Variants in TTC29 observed in about 807,000 individuals in gnomAD.
The protein encoded by TTC29 is tetratricopeptide repeat domain 29.
Under a neutral mutation model 58.1 loss-of-function variants are expected in TTC29, and 49 were observed. That is an observed-to-expected ratio of 0.84 (90% CI 0.67 to 1.07). The LOEUF (loss-of-function observed/expected upper bound fraction) is 1.07. Among genes scored for constraint, TTC29 ranks in the 50% least tolerant of loss-of-function variants. TTC29 has a pLI of 0.00. For missense variants in TTC29, 582 were observed against 555.6 expected, an observed-to-expected ratio of 1.05 and a Z score of -0.48; for synonymous variants, 209 against 196.8, an observed-to-expected ratio of 1.06 and a Z score of -0.52.
At chr4:146,753,410 T>C (rs1383935831) in intron 11 of TTC29, among the ~76,000 whole-genome samples, 3 of 152,198 alleles carry the variant, frequency 2.0e-5, no homozygotes, top group African/African-American at 7.2e-5. Flanking sequence ...CAACAGGTGC[T>C]GGAGAAGATG....
intron 11 of TTC29, among the ~76,000 whole-genome samples, chr4:146,749,426 A>C (rs1478999782): frequency 1.3e-5 from 2 of 152,174 alleles, no homozygotes; most frequent in East Asian, 3.8e-4. Context: ...AAGGAGAAGA[A>C]AGAATCTGTA....
intron 11 of TTC29, among the ~76,000 whole-genome samples, chr4:146,741,739 T>C (rs1745167624): frequency 6.6e-6 from 1 of 152,156 alleles, no homozygotes; most frequent in Non-Finnish European, 1.5e-5. Flanking sequence ...AAACACTCTA[T>C]GTTTTCTCAT....
chr4:146,820,152 T>C lies in TTC29; in HGVS notation c.1074A>G (p.Thr358=). ...FQSLDLVRAS[T]MLGDIYNEKG... ...TTTCATTGTAGATGTCCCCAAGCAT[T>C]GTACTTGCTCTCACCAAATCTAGGC... is the stretch of plus-strand genomic sequence containing the variant. The change falls in exon 10 of 13, where the codon ACA becomes ACG. Residue 358 remains threonine, a synonymous_variant. Coordinates refer to ENST00000325106, the MANE Select transcript of TTC29 (RefSeq NM_031956.4). The C allele has an allele frequency of 6.2e-7, 1 of 1,613,324 alleles. No homozygotes were observed. Among genetic ancestry groups the C allele is most frequent in the Non-Finnish European group, 8.5e-7 (1 of 1,179,790 alleles).
chr4:146,745,979 A>G (rs537463754), intron 11 of TTC29, among the ~76,000 whole-genome samples: 6 of 152,306 alleles, frequency 3.9e-5, no homozygotes, highest in African/African-American at 1.4e-4. Flanking sequence ...AGGAAAACCT[A>G]TTTGCAAAGA....
intron 9 of TTC29, among the ~76,000 whole-genome samples, chr4:146,821,476 A>T (rs181924182): frequency 9.0e-4 from 137 of 152,318 alleles, no homozygotes; most frequent in South Asian, 2.5e-3. Flanking sequence ...GGCGAATACT[A>T]GCTTACTCTT....
chr4:146,864,238 C>T (rs567636708), intron 8 of TTC29, among the ~76,000 whole-genome samples: 1 of 152,080 alleles, frequency 6.6e-6, no homozygotes, highest in Admixed American at 6.5e-5. Flanking sequence ...AAAACAACAC[C>T]AGCATCCACC....
At chr4:146,821,985 G>GTTTTTTTTTTTTTTTTT (rs34100285) in intron 9 of TTC29, among the ~76,000 whole-genome samples, 1 of 109,598 alleles carries the variant, frequency 9.1e-6, no homozygotes, top group Non-Finnish European at 1.8e-5. Context: ...CATGTCTAGT[G>GTTTTTTTTTTTTTTTTT]TTTTTTTTTT....
intron 6 of TTC29, among the ~76,000 whole-genome samples, chr4:146,885,660 G>C (rs1482336415): frequency 6.6e-6 from 1 of 151,990 alleles, no homozygotes; most frequent in East Asian, 1.9e-4. Context: ...TGATACATAA[G>C]GGAGTGTGGC....
chr4:146,924,830 T>G (rs1417089462), intron 4 of TTC29, among the ~76,000 whole-genome samples: 1 of 152,030 alleles, frequency 6.6e-6, no homozygotes, highest in African/African-American at 2.4e-5. Flanking sequence ...TATATTTTTC[T>G]AATACAAGCA....
intron 10 of TTC29, among the ~76,000 whole-genome samples, chr4:146,806,069 G>A (rs1006680752): frequency 6.6e-6 from 1 of 152,120 alleles, no homozygotes; most frequent in African/African-American, 2.4e-5. Context: ...AAGAGAGTGG[G>A]GGCCAATATT....
At chr4:146,708,571 T>C (rs193124917) in intron 11 of TTC29, among the ~76,000 whole-genome samples, 16 of 151,578 alleles carry the variant, frequency 1.1e-4, no homozygotes, top group African/African-American at 3.9e-4. Context: ...TACTTAACTT[T>C]AACTTTCATA....
intron 7 of TTC29, among the ~76,000 whole-genome samples, chr4:146,868,406 G>T (rs979889475): frequency 6.6e-6 from 1 of 152,048 alleles, no homozygotes; most frequent in African/African-American, 2.4e-5. Flanking sequence ...TAAAGAATAG[G>T]TGAGAGTAAC....
intron 11 of TTC29, among the ~76,000 whole-genome samples, chr4:146,753,488 G>A (rs1476926635): frequency 6.6e-6 from 1 of 152,204 alleles, no homozygotes; most frequent in Non-Finnish European, 1.5e-5. Flanking sequence ...GTGGAATTCG[G>A]TGTGGCGATT....
intron 8 of TTC29, among the ~76,000 whole-genome samples, chr4:146,852,876 CCT>C (rs1729598812): frequency 1.3e-5 from 2 of 151,914 alleles, no homozygotes; most frequent in African/African-American, 4.8e-5. Flanking sequence ...TATTTTTCTC[CCT>C]GTTTTATTGT....
At position 146,752,267 on chromosome 4, in the gene TTC29, C is replaced by A. The variant is rs1274546420; in HGVS notation, c.1331-44716G>T. ...CAAAAATCACAAGCATTCTTATACGCCAATAACAGACAAACAGAGAGCCAA... is the reference window on the plus strand; with the variant it reads ...CAAAAATCACAAGCATTCTTATACGACAATAACAGACAAACAGAGAGCCAA... On this transcript the variant is annotated intron_variant, in intron 11 of 12. Transcript: ENST00000325106. Among the ~76,000 whole-genome samples the A allele has an allele frequency of 2.0e-5, 3 of 147,466 alleles. No homozygotes were observed. The East Asian group carries it at 5.9e-4, about 29-fold the overall frequency.
chr4:146,831,252 G>A (rs1008225396), intron 9 of TTC29, among the ~76,000 whole-genome samples: 4 of 151,954 alleles, frequency 2.6e-5, no homozygotes, highest in Admixed American at 2.6e-4. Context: ...TTTAGTAGAT[G>A]GGAATTCTTT....
chr4:146,772,332 T>C (rs1423687817), intron 11 of TTC29, among the ~76,000 whole-genome samples: 9 of 152,182 alleles, frequency 5.9e-5, no homozygotes, highest in Admixed American at 5.9e-4. Context: ...CCAGGTCCTA[T>C]GTCCAGAATG....
chr4:146,766,121 T>C (rs1411886417), intron 11 of TTC29, among the ~76,000 whole-genome samples: 1 of 152,050 alleles, frequency 6.6e-6, no homozygotes, highest in Non-Finnish European at 1.5e-5. Flanking sequence ...ACAATCAGAC[T>C]AAGCCAATAT....
intron 6 of TTC29, among the ~76,000 whole-genome samples, chr4:146,892,966 C>A (rs1477448175): frequency 6.6e-6 from 1 of 152,138 alleles, no homozygotes; most frequent in Non-Finnish European, 1.5e-5. Flanking sequence ...AGGAATCCAA[C>A]TTAGAAGGGA....
Sources: gnomAD v4.1 joint callset for allele counts (sites outside exome capture counted in the v4.1 genomes callset) on GRCh38, gnomAD v4.1.1 for gene constraint, MANE v1.5 for transcripts, NCBI Gene and HGNC (gene_info 2026-07-23, HGNC 2026-07-21) for gene names.